The following MAML3 variants were observed in gnomAD, a reference collection of about 807,000 sequenced individuals.
MAML3 encodes the protein mastermind-like protein 3.
In MAML3, 27 loss-of-function variants were observed where a neutral mutation model predicts 101.9. That is an observed-to-expected ratio of 0.27 (90% CI 0.20 to 0.37). MAML3 has a LOEUF of 0.37. Ranked by LOEUF, MAML3 falls within the 10% of genes least tolerant of loss-of-function variation. MAML3 has a pLI of 1.00. For synonymous variants in MAML3, 501 were observed against 555.9 expected (o/e 0.90, Z 1.39); for missense variants, 1,316 against 1,444.9 (o/e 0.91, Z 1.45).
chr4:139,805,263 G>C (rs1338048752), intron 2 of MAML3, among the ~76,000 whole-genome samples: 1 of 152,166 alleles, frequency 6.6e-6, no homozygotes, highest in Non-Finnish European at 1.5e-5. Flanking sequence ...GACTAAAAGT[G>C]GTATGTTATT....
chr4:139,724,752 C>G (rs1200029095), intron 4 of MAML3, among the ~76,000 whole-genome samples: 8 of 150,542 alleles, frequency 5.3e-5, no homozygotes, highest in African/African-American at 1.9e-4. Flanking sequence ...ATTTTCTTCA[C>G]CCCATATAAG....
At position 139,735,271 on chromosome 4, in the gene MAML3, A is replaced by C. The variant is rs1728888274; in HGVS notation, c.2080-4604T>G. 6.6e-6 allele frequency among the ~76,000 whole-genome samples: 1 copy of C among 152,208 alleles called. No homozygotes were observed. The highest frequency in any genetic ancestry group is 6.5e-5 in the Admixed American group (1 of 15,282). ...GGTGACTCGAGGCCCTCTTTGCACA[A>C]AATGAGTTCTCTCTCCATTGCCGTG... On this transcript the variant is annotated intron_variant, in intron 2 of 4. Coordinates refer to ENST00000509479, the MANE Select transcript of MAML3 (RefSeq NM_018717.5). This position sits in a 1 kb window ranked among gnomAD's most constrained non-coding sequence, Gnocchi z 5.8.
chr4:139,899,001 C>T (rs904548081), intron 1 of MAML3, among the ~76,000 whole-genome samples: 2 of 152,192 alleles, frequency 1.3e-5, no homozygotes, highest in Non-Finnish European at 2.9e-5. Flanking sequence ...GTTAAAAATG[C>T]AGATTTCTTG....
rs1359228655 is a variant in MAML3, at chr4:139,771,961, C to T, written c.2080-41294G>A. On this transcript the variant is annotated intron_variant, in intron 2 of 4. Coordinates refer to ENST00000509479, the MANE Select transcript of MAML3 (RefSeq NM_018717.5). Reference sequence around the variant, plus strand: ...CTTAAAGTAAAAAAAAAAAAAAGTCCGGGCGCGGTGGCTCACGCCTGTAAT... The same window carrying T: ...CTTAAAGTAAAAAAAAAAAAAAGTCTGGGCGCGGTGGCTCACGCCTGTAAT... Among the ~76,000 whole-genome samples, 18 of 150,896 alleles carry T rather than the reference C, an allele frequency of 1.2e-4. 1 individual carries two copies. Among genetic ancestry groups the T allele is most frequent in the Non-Finnish European group, 2.1e-4 (14 of 67,648 alleles).
chr4:140,090,892 A>C (rs1333777527), intron 1 of MAML3, among the ~76,000 whole-genome samples: 1 of 152,162 alleles, frequency 6.6e-6, no homozygotes, highest in Non-Finnish European at 1.5e-5. Context: ...CTCTACTTAA[A>C]TACAAAAATT....
chr4:139,971,839 C>A (rs1734240256), intron 1 of MAML3, among the ~76,000 whole-genome samples: 1 of 152,114 alleles, frequency 6.6e-6, no homozygotes, highest in South Asian at 2.1e-4. Context: ...TGTGAGCATT[C>A]CCTGGTCCAG....
chr4:140,071,885 T>G (rs573650423), intron 1 of MAML3, among the ~76,000 whole-genome samples: 1 of 152,082 alleles, frequency 6.6e-6, no homozygotes, highest in Non-Finnish European at 1.5e-5. Context: ...AGAAAGTCCC[T>G]TGGGCAGGCT....
chr4:139,989,848 CAA>C (rs1255955708), intron 1 of MAML3, among the ~76,000 whole-genome samples: 3 of 82,186 alleles, frequency 3.7e-5, no homozygotes, highest in Non-Finnish European at 8.9e-5. Flanking sequence ...CACACACAAA[CAA>C]ACACACACAC....
chr4:140,053,390 C>A (rs535586369), intron 1 of MAML3, among the ~76,000 whole-genome samples: 1 of 152,152 alleles, frequency 6.6e-6, no homozygotes, highest in Non-Finnish European at 1.5e-5. Flanking sequence ...CATTCCCATC[C>A]GAATTAGGTA....
chr4:139,733,740 A>G (rs180903861), intron 2 of MAML3, among the ~76,000 whole-genome samples: 173 of 152,252 alleles, frequency 1.1e-3, no homozygotes, highest in African/African-American at 4.0e-3. Flanking sequence ...GCTGGGGTGC[A>G]GTGGTATGAT....
At chr4:140,082,392 C>T (rs927744398) in intron 1 of MAML3, among the ~76,000 whole-genome samples, 3 of 152,192 alleles carry the variant, frequency 2.0e-5, no homozygotes, top group African/African-American at 4.8e-5. Flanking sequence ...GCCAAAGCAG[C>T]GACTGCCTCT....
intron 2 of MAML3, among the ~76,000 whole-genome samples, chr4:139,825,601 T>C (rs1464767403): frequency 1.3e-5 from 2 of 152,076 alleles, no homozygotes; most frequent in Non-Finnish European, 2.9e-5. Context: ...AGCTGGGTGG[T>C]AGCTTCCTCC....
intron 1 of MAML3, among the ~76,000 whole-genome samples, chr4:140,070,634 C>T (rs1405453213): frequency 6.6e-6 from 1 of 152,182 alleles, no homozygotes; most frequent in Non-Finnish European, 1.5e-5. Flanking sequence ...ATAAAAACTC[C>T]TCGAAATACT....
intron 1 of MAML3, among the ~76,000 whole-genome samples, chr4:140,088,042 G>A (rs943612092): frequency 6.6e-6 from 1 of 152,080 alleles, no homozygotes; most frequent in Admixed American, 6.6e-5. Flanking sequence ...CAGCTTGGGC[G>A]ACATCGCAAG....
chr4:140,002,899 C>T (rs1726347123), intron 1 of MAML3, among the ~76,000 whole-genome samples: 1 of 152,216 alleles, frequency 6.6e-6, no homozygotes, highest in South Asian at 2.1e-4. Context: ...TTACCAGCAG[C>T]AGTGGTTCCC....
At chr4:139,757,516 G>A (rs1228506250) in intron 2 of MAML3, among the ~76,000 whole-genome samples, 1 of 152,028 alleles carries the variant, frequency 6.6e-6, no homozygotes, top group Non-Finnish European at 1.5e-5. Context: ...TGGGCGAGGT[G>A]GCGTGAGCCT....
chr4:139,990,469 C>A (rs1284916438), intron 1 of MAML3, among the ~76,000 whole-genome samples: 3 of 150,120 alleles, frequency 2.0e-5, no homozygotes, highest in Admixed American at 6.7e-5. Context: ...AAACTGGAAG[C>A]ATTCCCTTTG....
intron 1 of MAML3, among the ~76,000 whole-genome samples, chr4:140,069,705 G>A (rs529932178): frequency 6.6e-5 from 10 of 151,846 alleles, no homozygotes; most frequent in Non-Finnish European, 1.2e-4. Context: ...GAAGAAGAAG[G>A]AGGAAGAAAG....
rs374675812 is a variant in MAML3 at position 139,852,508 on chromosome 4, G to A, written c.2079+36849C>T. Among the ~76,000 whole-genome samples the A allele has an allele frequency of 1.9e-3, 281 of 149,304 alleles. 1 individual carries two copies. The highest frequency in any genetic ancestry group is 6.8e-3 in the Middle Eastern group (2 of 292). Reference sequence around the variant, plus strand: ...GCTCACTGCAACCTCTGCTTCCCGGGTTCAAGCGATTCTTCTGACTCAGCC... The same window carrying A: ...GCTCACTGCAACCTCTGCTTCCCGGATTCAAGCGATTCTTCTGACTCAGCC... On this transcript the variant is annotated intron_variant, in intron 2 of 4. Coordinates refer to ENST00000509479, the MANE Select transcript of MAML3 (RefSeq NM_018717.5).
Sources: gnomAD v4.1 joint callset for allele counts (sites outside exome capture counted in the v4.1 genomes callset) on GRCh38, gnomAD v4.1.1 for gene constraint, Gnocchi (gnomAD v3.1) non-coding constraint, MANE v1.5 for transcripts, NCBI Gene and HGNC (gene_info 2026-07-23, HGNC 2026-07-21) for gene names.